SFMBT2: variants seen among roughly 807,000 people sequenced by gnomAD.
SFMBT2 encodes the protein Scm like with four mbt domains 2, also known as scm-like with four MBT domains protein 2.
A neutral mutation model predicts 110.1 loss-of-function variants in SFMBT2; 38 were observed. The observed-to-expected ratio is 0.35, with a 90% confidence interval of 0.27 to 0.45. The LOEUF (loss-of-function observed/expected upper bound fraction) is 0.45, where lower values mean the gene tolerates loss of function less well. Among genes scored for constraint, SFMBT2 ranks in the 20% least tolerant of loss-of-function variants. The pLI, the probability that SFMBT2 is intolerant of heterozygous loss-of-function variation, is 1.00. For synonymous variants in SFMBT2, 425 were observed against 425.4 expected, an observed-to-expected ratio of 1.00 and a Z score of 0.01; for missense variants, 1,011 against 1,094.9, an observed-to-expected ratio of 0.92 and a Z score of 1.08.
At chr10:7,268,341 T>C (rs7908189) in intron 7 of SFMBT2, among the ~76,000 whole-genome samples, 113,813 of 152,026 alleles carry the variant, frequency 0.75, 42,978 homozygotes, top group East Asian at 0.92. Context: ...AGAAACAAAC[T>C]GACAGAAACC....
intron 4 of SFMBT2, among the ~76,000 whole-genome samples, chr10:7,361,289 A>C (rs1309660990): frequency 6.6e-6 from 1 of 152,252 alleles, no homozygotes; most frequent in Non-Finnish European, 1.5e-5. Flanking sequence ...TGTCATTTAC[A>C]TTATAAAATA....
Position 7,172,533 on chromosome 10 carries a change from T to G in SFMBT2, c.2113A>C (p.Arg705=). The G allele has an allele frequency of 6.2e-7, 1 of 1,614,156 alleles. No individual in the cohort carries two copies. The highest frequency in any genetic ancestry group is 8.5e-7 in the Non-Finnish European group (1 of 1,180,020). The change falls in exon 18 of 21, where the codon AGG becomes CGG. Residue 705 remains arginine (R), a synonymous_variant. Coordinates refer to ENST00000397167, the MANE Select transcript of SFMBT2 (RefSeq NM_001387889.1). The surrounding 1 kb of genome is among the most constrained non-coding windows in gnomAD (Gnocchi z 4.6). ...RKSIFVQKKR[R]SSAVDFTAGS... is the part of the protein sequence containing the mutation. The stretch of plus-strand genomic sequence containing the variant: ...GCGGTGAAGTCCACGGCAGAAGACC[T>G]CCGTTTCTTCTGCACGAAAATGGAT...
At chr10:7,213,833 G>C (rs913250687) in intron 11 of SFMBT2, among the ~76,000 whole-genome samples, 1 of 152,182 alleles carries the variant, frequency 6.6e-6, no homozygotes, top group Non-Finnish European at 1.5e-5. Flanking sequence ...CATGGGCATG[G>C]GCACTCAGAT....
intron 1 of SFMBT2, among the ~76,000 whole-genome samples, chr10:7,394,995 C>G (rs1447251551): frequency 6.6e-6 from 1 of 152,144 alleles, no homozygotes. Context: ...TTAACCTATT[C>G]TATTTCACCA....
intron 6 of SFMBT2, among the ~76,000 whole-genome samples, chr10:7,283,206 T>C (rs1384724261): frequency 6.6e-6 from 1 of 152,218 alleles, no homozygotes; most frequent in African/African-American, 2.4e-5. Flanking sequence ...GAATGGTTAT[T>C]TTGTAAATAC....
chr10:7,384,238 A>AAAAAAAT (rs1554812962), intron 1 of SFMBT2, among the ~76,000 whole-genome samples: 1 of 145,412 alleles, frequency 6.9e-6, no homozygotes, highest in Non-Finnish European at 1.5e-5. Flanking sequence ...AAAAAAAAAA[A>AAAAAAAT]CAACCACAGA....
At chr10:7,208,199 G>A (rs1839212617) in intron 11 of SFMBT2, among the ~76,000 whole-genome samples, 1 of 152,160 alleles carries the variant, frequency 6.6e-6, no homozygotes, top group South Asian at 2.1e-4. Context: ...CCTGAAGGGT[G>A]TGGGATTGAT....
At chr10:7,233,605 C>A (rs1840173559) in intron 9 of SFMBT2, among the ~76,000 whole-genome samples, 1 of 152,206 alleles carries the variant, frequency 6.6e-6, no homozygotes, top group African/African-American at 2.4e-5. Flanking sequence ...CAGATATGTG[C>A]ATAAATGTTG....
chr10:7,212,938 G>A (rs992275851), intron 11 of SFMBT2, among the ~76,000 whole-genome samples: 3 of 152,208 alleles, frequency 2.0e-5, no homozygotes, highest in African/African-American at 7.2e-5. Flanking sequence ...CAGGGACATG[G>A]ATGAAGCTGG....
chr10:7,192,826 G>C (rs928974212), intron 15 of SFMBT2, among the ~76,000 whole-genome samples: 2 of 152,074 alleles, frequency 1.3e-5, no homozygotes, highest in African/African-American at 4.8e-5. Flanking sequence ...GGGGGTCCGG[G>C]GCACACCGCA....
intron 4 of SFMBT2, among the ~76,000 whole-genome samples, chr10:7,323,611 GT>G (rs1262055141): frequency 6.6e-6 from 1 of 152,084 alleles, no homozygotes; most frequent in African/African-American, 2.4e-5. Flanking sequence ...ATGTTGAAAT[GT>G]TAGAATTTGA....
chr10:7,393,020 T>C (rs1437703586), intron 1 of SFMBT2, among the ~76,000 whole-genome samples: 1 of 75,048 alleles, frequency 1.3e-5, no homozygotes. Flanking sequence ...TATATATATA[T>C]ATATATATAT....
chr10:7,164,215 G>A (rs1237887141), intron 20 of SFMBT2: 7 of 772,834 alleles, frequency 9.1e-6, no homozygotes, highest in Middle Eastern at 6.5e-4. Context: ...GGTGAGATAC[G>A]GTCTCTACAA....
chr10:7,318,758 A>G (rs778626316), intron 4 of SFMBT2, among the ~76,000 whole-genome samples: 5 of 152,276 alleles, frequency 3.3e-5, no homozygotes, highest in Non-Finnish European at 7.3e-5. Context: ...CGAATGGTCA[A>G]GTGGCAAATA....
intron 9 of SFMBT2, among the ~76,000 whole-genome samples, chr10:7,236,109 G>A (rs1840245194): frequency 6.7e-6 from 1 of 150,060 alleles, no homozygotes; most frequent in Admixed American, 6.7e-5. Flanking sequence ...TATACCAGCT[G>A]ACAGCCAATA....
intron 4 of SFMBT2, among the ~76,000 whole-genome samples, chr10:7,363,054 A>G (rs1300594615): frequency 6.6e-6 from 1 of 152,180 alleles, no homozygotes; most frequent in African/African-American, 2.4e-5. Flanking sequence ...CCCCCTTGAT[A>G]TGGTTTGGCA....
intron 7 of SFMBT2, among the ~76,000 whole-genome samples, chr10:7,270,394 T>G (rs1047962851): frequency 6.6e-6 from 1 of 152,198 alleles, no homozygotes; most frequent in African/African-American, 2.4e-5. Flanking sequence ...CATGGGAATT[T>G]GTGACAGTAG....
intron 4 of SFMBT2, among the ~76,000 whole-genome samples, chr10:7,363,442 G>A (rs942643731): frequency 1.3e-5 from 2 of 151,860 alleles, no homozygotes; most frequent in Non-Finnish European, 2.9e-5. Context: ...TTTGCCTCCT[G>A]GGTTCAAACA....
chr10:7,268,128 G>A (rs1318117067), intron 7 of SFMBT2, among the ~76,000 whole-genome samples: 2 of 152,190 alleles, frequency 1.3e-5, no homozygotes, highest in African/African-American at 4.8e-5. Flanking sequence ...GCTCGTAAAT[G>A]TCAGACACGT....
Sources: gnomAD v4.1 joint callset for allele counts (sites outside exome capture counted in the v4.1 genomes callset) on GRCh38, gnomAD v4.1.1 for gene constraint, Gnocchi (gnomAD v3.1) non-coding constraint, MANE v1.5 for transcripts, NCBI Gene and HGNC (gene_info 2026-07-23, HGNC 2026-07-21) for gene names.